GPR158: variants seen among roughly 807,000 people sequenced by gnomAD.
GPR158 encodes G protein-coupled receptor 158, also known as metabotropic glycine receptor.
Under a neutral mutation model 78.2 loss-of-function variants are expected in GPR158, and 30 were observed. The observed-to-expected ratio is 0.38, with a 90% CI of 0.29 to 0.52. The LOEUF is 0.52. Ranked by LOEUF, GPR158 falls within the 20% of genes least tolerant of loss-of-function variation. The pLI is 0.83. For synonymous variants in GPR158, 581 were observed against 591.1 expected, an observed-to-expected ratio of 0.98 and a Z score of 0.25; for missense variants, 1,463 against 1,523.5, an observed-to-expected ratio of 0.96 and a Z score of 0.66.
In GPR158 at chr10:25,466,796, A is replaced by G. The variant is rs1835429797; in HGVS notation, c.1404+77A>G. The G allele has an allele frequency of 3.4e-5, 23 of 667,450 alleles. No homozygotes were observed. The South Asian group carries it at 4.8e-4, about 14-fold the overall frequency. 41.3% of individuals were successfully genotyped at this position (667,450 alleles called of 1,614,324 possible). On this transcript the variant is annotated intron_variant, in intron 5 of 10. Coordinates refer to ENST00000376351, the MANE Select transcript of GPR158 (RefSeq NM_020752.3). ...CTATAAAGTTACTGTTTACACACAC[A>G]CACACACACATACACACACCCTGGT...
At chr10:25,248,487 T>C (rs1479265743) in intron 2 of GPR158, among the ~76,000 whole-genome samples, 3 of 150,258 alleles carry the variant, frequency 2.0e-5, no homozygotes, top group African/African-American at 7.3e-5. Flanking sequence ...GAATTGATTT[T>C]TGTATAAGGT....
chr10:25,447,046 C>T (rs370491214), intron 4 of GPR158, among the ~76,000 whole-genome samples: 2 of 152,194 alleles, frequency 1.3e-5, no homozygotes, highest in Admixed American at 6.5e-5. Context: ...AAACATGATA[C>T]TTTGAATTTA....
At chr10:25,591,452 T>C (rs1395412490) in intron 8 of GPR158, among the ~76,000 whole-genome samples, 1 of 152,136 alleles carries the variant, frequency 6.6e-6, no homozygotes, top group Non-Finnish European at 1.5e-5. Context: ...AGCAACTCAT[T>C]GGCCCAACCA....
chr10:25,384,612 AT>A (rs201335858), intron 2 of GPR158, among the ~76,000 whole-genome samples: 23 of 151,624 alleles, frequency 1.5e-4, no homozygotes, highest in African/African-American at 3.1e-4. Flanking sequence ...TATTTATTTG[AT>A]TTTTTTTTCT....
chr10:25,262,847 A>G (rs941592803), intron 2 of GPR158, among the ~76,000 whole-genome samples: 4 of 152,198 alleles, frequency 2.6e-5, no homozygotes, highest in African/African-American at 9.6e-5. Context: ...AAAAGTTTCA[A>G]TGTCCTTAAA....
chr10:25,559,417 TAG>T (rs1836833319), intron 6 of GPR158, among the ~76,000 whole-genome samples: 1 of 152,226 alleles, frequency 6.6e-6, no homozygotes, highest in Admixed American at 6.5e-5. Context: ...CTGAAATATG[TAG>T]CAATGTGTAT....
intron 5 of GPR158, among the ~76,000 whole-genome samples, chr10:25,481,836 G>C (rs1835667141): frequency 6.6e-6 from 1 of 152,166 alleles, no homozygotes; most frequent in African/African-American, 2.4e-5. Flanking sequence ...AGTGTGAATT[G>C]GTAGCTTATT....
chr10:25,503,356 C>CA (rs5783938), intron 5 of GPR158, among the ~76,000 whole-genome samples: 50,266 of 151,584 alleles, frequency 0.33, 8,874 homozygotes, highest in East Asian at 0.48. Context: ...CTATCTGGGA[C>CA]AAAAAAATAA....
chr10:25,564,036 G>A (rs1258266485), intron 6 of GPR158, among the ~76,000 whole-genome samples: 1 of 152,016 alleles, frequency 6.6e-6, no homozygotes, highest in Non-Finnish European at 1.5e-5. Flanking sequence ...TTCCAGGCTG[G>A]TTTGTTAAGT....
At chr10:25,291,219 GAGAA>G (rs897658443) in intron 2 of GPR158, among the ~76,000 whole-genome samples, 4 of 151,946 alleles carry the variant, frequency 2.6e-5, no homozygotes, top group Admixed American at 1.3e-4. Context: ...AAGAATTCAG[GAGAA>G]AGAAAGGGAA....
chr10:25,580,930 T>TA (rs1837187749), intron 7 of GPR158, among the ~76,000 whole-genome samples: 1 of 147,022 alleles, frequency 6.8e-6, no homozygotes, highest in Non-Finnish European at 1.5e-5. Flanking sequence ...TTTATTTTAT[T>TA]TTTTTGAGAC....
intron 4 of GPR158, among the ~76,000 whole-genome samples, chr10:25,422,750 G>A (rs77910442): frequency 0.084 from 12,666 of 151,636 alleles, 667 homozygotes; most frequent in South Asian, 0.18. Context: ...GTGGTGTTGG[G>A]TTACACGAAT....
intron 1 of GPR158, among the ~76,000 whole-genome samples, chr10:25,219,260 T>G (rs1853264103): frequency 6.6e-6 from 1 of 152,252 alleles, no homozygotes; most frequent in East Asian, 1.9e-4. Context: ...CAAAATGTCT[T>G]ATGCCTTTTA....
chr10:25,202,290 T>G (rs988420366), intron 1 of GPR158, among the ~76,000 whole-genome samples: 2 of 151,634 alleles, frequency 1.3e-5, no homozygotes, highest in Non-Finnish European at 2.9e-5. Flanking sequence ...CTAGGGTACA[T>G]GTGCACAACA....
At chr10:25,282,871 CTTAT>C (rs1854296571) in intron 2 of GPR158, among the ~76,000 whole-genome samples, 1 of 151,892 alleles carries the variant, frequency 6.6e-6, no homozygotes, top group Admixed American at 6.6e-5. Flanking sequence ...GCTAAATATT[CTTAT>C]TTGTGATATC....
chr10:25,540,000 T>C (rs1252244386), intron 5 of GPR158, among the ~76,000 whole-genome samples: 1 of 152,058 alleles, frequency 6.6e-6, no homozygotes, highest in African/African-American at 2.4e-5. Flanking sequence ...ACCATCAGAG[T>C]GAACAGGCAA....
At chr10:25,507,490 T>C (rs16926017) in intron 5 of GPR158, among the ~76,000 whole-genome samples, 5,874 of 152,288 alleles carry the variant, frequency 0.039, 397 homozygotes, top group African/African-American at 0.13. Context: ...GTAATTTTCA[T>C]GTTGTGTTTG....
chr10:25,598,035 G>A lies in GPR158; in HGVS notation c.2409G>A (p.Lys803=), dbSNP rs746344486. ...PESSGNTGKS[K]EETLKNRVFS... is the part of the protein sequence containing the mutation. ...CTTCAGGGAACACAGGGAAATCCAA[G>A]GAGGAGACCCTGAAAAACCGAGTCT... is the stretch of plus-strand genomic sequence containing the variant. The change falls in exon 11 of 11, where the codon AAG becomes AAA. Residue 803 remains lysine, a synonymous_variant. Transcript: ENST00000376351. 3 of 1,614,030 alleles carry A rather than the reference G, an allele frequency of 1.9e-6. No individual in the cohort carries two copies. Among genetic ancestry groups the A allele is most frequent in the East Asian group, 4.5e-5 (2 of 44,860 alleles).
chr10:25,318,292 C>G (rs540719084), intron 2 of GPR158, among the ~76,000 whole-genome samples: 21 of 151,826 alleles, frequency 1.4e-4, no homozygotes, highest in Non-Finnish European at 2.8e-4. Flanking sequence ...ACAGTTGCCT[C>G]TCTCTCACTC....
Sources: allele counts gnomAD v4.1 joint callset (sites outside exome capture counted in the v4.1 genomes callset), GRCh38; gene constraint gnomAD v4.1.1; transcripts MANE v1.5; gene names NCBI Gene and HGNC (gene_info 2026-07-23, HGNC 2026-07-21).